Variants in RANBP9 observed in about 807,000 individuals in gnomAD.
The protein encoded by RANBP9 is RAN binding protein 9, also known as ran-binding protein 9.
In RANBP9, 15 loss-of-function variants were observed where a neutral mutation model predicts 84.3. The observed-to-expected ratio is 0.18, with a 90% confidence interval of 0.12 to 0.27. RANBP9 has a LOEUF of 0.27. Among genes scored for constraint, RANBP9 ranks in the 10% least tolerant of loss-of-function variants. RANBP9 has a pLI of 1.00. For synonymous variants in RANBP9, 392 were observed against 349.6 expected (o/e 1.12, Z -1.35); for missense variants, 809 against 912.8 (o/e 0.89, Z 1.46).
chr6:13,693,944 G>A (rs1766383545), intron 2 of RANBP9, among the ~76,000 whole-genome samples: 1 of 152,126 alleles, frequency 6.6e-6, no homozygotes, highest in African/African-American at 2.4e-5. Context: ...TTGGGAGGCT[G>A]AGGCAGGAGA....
intron 2 of RANBP9, among the ~76,000 whole-genome samples, chr6:13,667,806 T>C (rs185333917): frequency 1.3e-5 from 2 of 152,236 alleles, no homozygotes; most frequent in East Asian, 3.9e-4. Flanking sequence ...TCTATGATAT[T>C]CCTACAATGA....
Position 13,696,959 on chromosome 6 carries a change from T to C in RANBP9, c.572-63A>G, listed in dbSNP as rs185429783. On this transcript the variant is annotated intron_variant, in intron 1 of 13. Coordinates refer to ENST00000011619, the MANE Select transcript of RANBP9 (RefSeq NM_005493.3). ...GATATTCACTGAAAGATGAAAACCT[T>C]AAACAATTCAGGAACATATAGGTTT... 1.7e-3 allele frequency: 2,312 copies of C among 1,347,662 alleles called. 5 individuals are homozygous for C. Among genetic ancestry groups the C allele is most frequent in the Admixed American group, 2.8e-3 (148 of 51,938 alleles). The allele number at this position is 1,347,662 out of a possible 1,614,324, so 83.5% of individuals were successfully genotyped here. A position where few individuals can be genotyped will look rare whatever the true frequency, so the allele number is the denominator to read the frequency against.
At position 13,711,474 on chromosome 6, in the gene RANBP9, T is replaced by TGCGGCG. The variant is rs747486243; in HGVS notation, c.26_31dup (p.Pro9_Pro10dup). The TGCGGCG allele has an allele frequency of 1.9e-4, 229 of 1,234,020 alleles. No homozygotes were observed. Among genetic ancestry groups the TGCGGCG allele is most frequent in the African/African-American group, 1.6e-3 (98 of 62,128 alleles). 76.4% of individuals were successfully genotyped at this position (1,234,020 alleles called of 1,614,324 possible). ...CAGCTGCTGCTGCTGTTGCTGCTGC[T>TGCGGCG]GCGGCGGCGGCGGCGGCGGCTGCCC... On this transcript the variant is annotated inframe_insertion, in exon 1 of 14. Coordinates refer to ENST00000011619, the MANE Select transcript of RANBP9 (RefSeq NM_005493.3).
At chr6:13,654,986 T>C (rs1047164548) in intron 4 of RANBP9, among the ~76,000 whole-genome samples, 1 of 152,270 alleles carries the variant, frequency 6.6e-6, no homozygotes, top group African/African-American at 2.4e-5. Context: ...GTGATCCTAC[T>C]TGACAAACTA....
intron 2 of RANBP9, among the ~76,000 whole-genome samples, chr6:13,679,227 T>C (rs1279912331): frequency 1.3e-5 from 2 of 152,204 alleles, no homozygotes; most frequent in Non-Finnish European, 2.9e-5. Context: ...CCAAGCTGCA[T>C]CTTTCTTCAG....
At chr6:13,707,750 G>A (rs1438273421) in intron 1 of RANBP9, among the ~76,000 whole-genome samples, 1 of 152,050 alleles carries the variant, frequency 6.6e-6, no homozygotes, top group Non-Finnish European at 1.5e-5. Context: ...TCCAAATAGT[G>A]GTAATAACTA....
chr6:13,680,884 T>C (rs1261600720), intron 2 of RANBP9, among the ~76,000 whole-genome samples: 2 of 152,170 alleles, frequency 1.3e-5, no homozygotes, highest in Non-Finnish European at 2.9e-5. Flanking sequence ...AAGAATATTG[T>C]TCCCATGAGC....
At chr6:13,664,381 G>A (rs1463995675) in intron 2 of RANBP9, among the ~76,000 whole-genome samples, 1 of 152,018 alleles carries the variant, frequency 6.6e-6, no homozygotes, top group Non-Finnish European at 1.5e-5. Context: ...TCATGTCTAC[G>A]AATTGGGCAC....
intron 13 of RANBP9, 133 bp from the exon 14 acceptor site, chr6:13,622,625 G>T: frequency 1.0e-6 from 1 of 997,358 alleles, no homozygotes; most frequent in Non-Finnish European, 1.4e-6. Flanking sequence ...GCAAATGAAG[G>T]TTTCTAAGCA....
chr6:13,657,556 G>C (rs1372116589), intron 3 of RANBP9, among the ~76,000 whole-genome samples: 1 of 152,110 alleles, frequency 6.6e-6, no homozygotes, highest in Non-Finnish European at 1.5e-5. Flanking sequence ...AACCACAGGA[G>C]GACACATTTT....
At chr6:13,697,210 A>G (rs922775416) in intron 1 of RANBP9, among the ~76,000 whole-genome samples, 1 of 152,232 alleles carries the variant, frequency 6.6e-6, no homozygotes, top group Non-Finnish European at 1.5e-5. Flanking sequence ...TTTAAGAGGA[A>G]AAAGGCTGTA....
At position 13,644,688 on chromosome 6, in the gene RANBP9, T is replaced by C; in HGVS notation, c.969A>G (p.Glu323=). 6.2e-7 allele frequency: 1 copy of C among 1,612,832 alleles called. No individual in the cohort carries two copies. The highest frequency in any genetic ancestry group is 8.5e-7 in the Non-Finnish European group (1 of 1,179,402). The change falls in exon 6 of 14, where the codon GAA becomes GAG. Residue 323 remains glutamate (E), a synonymous_variant. Coordinates refer to ENST00000011619, the MANE Select transcript of RANBP9 (RefSeq NM_005493.3). ...YPTVGLQTPG[E]VVDANFGQHP... is the part of the protein sequence containing the mutation. Reference sequence around the variant, plus strand: ...GTTGCCCAAAATTGGCATCGACCACTTCTCCTGGTGTTTGAAGCCCCACAG... The same window carrying C: ...GTTGCCCAAAATTGGCATCGACCACCTCTCCTGGTGTTTGAAGCCCCACAG...
rs1490844407 is a variant in RANBP9, at chr6:13,711,269, G to T, written c.237C>A (p.Thr79=). 1.0e-6 allele frequency: 1 copy of T among 986,578 alleles called. No individual in the cohort carries two copies. The highest frequency in any genetic ancestry group is 1.2e-6 in the Non-Finnish European group (1 of 831,698). The allele number at this position is 986,578 out of a possible 1,614,324, so 61.1% of individuals were successfully genotyped here. A position where few individuals can be genotyped will look rare whatever the true frequency, so the allele number is the denominator to read the frequency against. The stretch of plus-strand genomic sequence containing the variant: ...GCGGCGGCGGGGGCGGCGGGGCCGC[G>T]GTGGCCGGGGGCGGCGGCGGCGGAG... ...LHPPPPPPPA[T]AAPPPPPPPP... Residue 79 remains threonine (T), a synonymous_variant, in exon 1 of 14, where the codon ACC becomes ACA. Transcript: ENST00000011619.
chr6:13,633,905 CT>C (rs796421371), intron 11 of RANBP9, among the ~76,000 whole-genome samples: 16 of 150,412 alleles, frequency 1.1e-4, no homozygotes, highest in African/African-American at 3.7e-4. Context: ...ATTATGCATG[CT>C]AATGTGTCTT....
intron 2 of RANBP9, among the ~76,000 whole-genome samples, chr6:13,674,739 A>G (rs1765851430): frequency 6.6e-6 from 1 of 152,186 alleles, no homozygotes; most frequent in African/African-American, 2.4e-5. Context: ...CCCAATACAT[A>G]TTAAGGGCTG....
intron 2 of RANBP9, among the ~76,000 whole-genome samples, chr6:13,665,645 GATGTGTCTACCAA>G (rs894217410): frequency 3.3e-5 from 5 of 152,118 alleles, no homozygotes; most frequent in Admixed American, 1.3e-4. Context: ...GAAAAATGAA[GATGTGTCTACCAA>G]AAAAATTTGT....
At chr6:13,676,588 A>G (rs987325995) in intron 2 of RANBP9, among the ~76,000 whole-genome samples, 2 of 152,142 alleles carry the variant, frequency 1.3e-5, no homozygotes. Flanking sequence ...AACAAGGTAT[A>G]CAAGAACTAT....
At chr6:13,667,671 G>T (rs932459575) in intron 2 of RANBP9, among the ~76,000 whole-genome samples, 2 of 151,914 alleles carry the variant, frequency 1.3e-5, no homozygotes, top group Admixed American at 1.3e-4. Flanking sequence ...ATTCCCTATT[G>T]TAACACAATA....
chr6:13,654,186 T>C (rs1765352733), intron 4 of RANBP9, among the ~76,000 whole-genome samples: 1 of 152,132 alleles, frequency 6.6e-6, no homozygotes, highest in East Asian at 1.9e-4. Flanking sequence ...CAGCCAAATA[T>C]AGTTACCACA....
Sources: gnomAD v4.1 joint callset for allele counts (sites outside exome capture counted in the v4.1 genomes callset) on GRCh38, gnomAD v4.1.1 for gene constraint, MANE v1.5 for transcripts, NCBI Gene and HGNC (gene_info 2026-07-23, HGNC 2026-07-21) for gene names.